ZBTB7C: variants seen among roughly 807,000 people sequenced by gnomAD.
ZBTB7C encodes zinc finger and BTB domain-containing protein 7C.
A neutral mutation model predicts 25.7 loss-of-function variants in ZBTB7C; 8 were observed. The ratio of observed to expected loss-of-function variants is 0.31; its 90% CI spans 0.18 to 0.56. The LOEUF is 0.56. Ranked by LOEUF, ZBTB7C falls within the 20% of genes least tolerant of loss-of-function variation. The probability of loss-of-function intolerance (pLI) is 0.91; values close to 1 mark genes in which losing one functional copy is unlikely to be tolerated. For synonymous variants in ZBTB7C, 394 were observed against 369.0 expected, an observed-to-expected ratio of 1.07 and a Z score of -0.78; for missense variants, 824 against 855.2, an observed-to-expected ratio of 0.96 and a Z score of 0.46.
At chr18:48,221,381 C>T in intron 2 of ZBTB7C, among the ~76,000 whole-genome samples, 1 of 148,132 alleles carries the variant, frequency 6.8e-6, no homozygotes, top group East Asian at 2.1e-4. Context: ...TCTACACTGT[C>T]CCTAGTCTCC....
intron 1 of ZBTB7C, among the ~76,000 whole-genome samples, chr18:48,344,969 T>G (rs1393017438): frequency 6.6e-6 from 1 of 152,262 alleles, no homozygotes; most frequent in African/African-American, 2.4e-5. Context: ...AATCACCAGT[T>G]ATTCTTTGTT....
At chr18:48,113,282 CT>C (rs1246860094) in intron 3 of ZBTB7C, among the ~76,000 whole-genome samples, 5 of 152,240 alleles carry the variant, frequency 3.3e-5, no homozygotes, top group Admixed American at 6.5e-5. Flanking sequence ...ATAATACCCC[CT>C]GGTCTGTCTT....
chr18:48,126,453 A>C (rs1045781424), intron 3 of ZBTB7C, among the ~76,000 whole-genome samples: 8 of 152,278 alleles, frequency 5.3e-5, no homozygotes, highest in African/African-American at 1.9e-4. Flanking sequence ...CTTGAATCCA[A>C]TCACCTGGAA....
intron 1 of ZBTB7C, among the ~76,000 whole-genome samples, chr18:48,378,544 T>C (rs1199645821): frequency 1.3e-5 from 2 of 152,170 alleles, no homozygotes; most frequent in African/African-American, 2.4e-5. Context: ...ATAAAACCCA[T>C]TGCCATCACA....
chr18:48,286,519 T>C (rs182715671), intron 2 of ZBTB7C, among the ~76,000 whole-genome samples: 2 of 151,500 alleles, frequency 1.3e-5, no homozygotes, highest in Admixed American at 6.6e-5. Context: ...ACCAGGAAAA[T>C]ATATTAATAT....
chr18:48,132,116 A>C (rs1292296652), intron 3 of ZBTB7C, among the ~76,000 whole-genome samples: 1 of 152,238 alleles, frequency 6.6e-6, no homozygotes, highest in Non-Finnish European at 1.5e-5. Context: ...TATTTACAGA[A>C]GCCAAATATG....
rs757958122 is a variant in ZBTB7C, at chr18:48,040,255, T to C, written c.853A>G (p.Lys285Glu). 1.3e-6 allele frequency: 2 copies of C among 1,561,946 alleles called. No homozygotes were observed. The highest frequency in any genetic ancestry group is 1.7e-6 in the Non-Finnish European group (2 of 1,156,912). Reference sequence around the variant, plus strand: ...TCCTCCTCCTTGATCTTCCGATTCTTGATGACCAGATCCAGTGGCCCACTG... The same window carrying C: ...TCCTCCTCCTTGATCTTCCGATTCTCGATGACCAGATCCAGTGGCCCACTG... ...MDSGPLDLVI[K>E]NRKIKEEEKE... Residue 285 changes from lysine (K) to glutamate (E), a missense_variant, in exon 4 of 5, where the codon AAG becomes GAG. This residue lies in a region of ZBTB7C where 316 missense variants were observed against 299.2 expected (regional missense o/e 1.06). Transcript: ENST00000590800.
chr18:48,093,668 A>G (rs2038507015), intron 3 of ZBTB7C, among the ~76,000 whole-genome samples: 1 of 152,194 alleles, frequency 6.6e-6, no homozygotes, highest in African/African-American at 2.4e-5. Context: ...ACAGGAGTTC[A>G]TAGAAGAGGC....
chr18:48,029,943 A>C, intron 4 of ZBTB7C, 32 bp from the exon 5 acceptor site: 1 of 1,607,046 alleles, frequency 6.2e-7, no homozygotes, highest in Non-Finnish European at 8.5e-7. Flanking sequence ...TCAGTCCCGC[A>C]GGGAACACCA....
chr18:48,041,564 T>A, intron 3 of ZBTB7C: 1 of 980,926 alleles, frequency 1.0e-6, no homozygotes, highest in South Asian at 4.7e-5. Flanking sequence ...CTGATTTGTC[T>A]CACAAATCCT....
intron 2 of ZBTB7C, among the ~76,000 whole-genome samples, chr18:48,196,818 G>T (rs2042328525): frequency 6.6e-6 from 1 of 152,210 alleles, no homozygotes; most frequent in Admixed American, 6.5e-5. Context: ...GCAGGCACCT[G>T]CAACTCATGA....
chr18:48,041,745 T>TA lies in ZBTB7C; in HGVS notation c.-16-623_-16-622insT, dbSNP rs763135952. 3.9e-3 allele frequency among the ~76,000 whole-genome samples: 593 copies of TA among 151,736 alleles called. 3 individuals are homozygous for TA. Among genetic ancestry groups the TA allele is most frequent in the Non-Finnish European group, 6.4e-3 (432 of 67,912 alleles). ...CCATTTGTAAATCTTGATCCTTTTT[T>TA]TAAAAAAAAAACACTAACTTCCTAT... On this transcript the variant is annotated intron_variant, in intron 3 of 4. Transcript: ENST00000590800.
chr18:48,375,241 A>AC (rs2047491949), intron 1 of ZBTB7C, among the ~76,000 whole-genome samples: 1 of 152,052 alleles, frequency 6.6e-6, no homozygotes, highest in Non-Finnish European at 1.5e-5. Flanking sequence ...GGGGAAACCC[A>AC]CCCGCAGTCT....
chr18:48,373,090 T>C (rs1037543744), intron 1 of ZBTB7C, among the ~76,000 whole-genome samples: 1 of 152,194 alleles, frequency 6.6e-6, no homozygotes, highest in African/African-American at 2.4e-5. Context: ...TCCTCCTCTT[T>C]ATCTCCCCAG....
intron 3 of ZBTB7C, chr18:48,169,898 T>G (rs1170109032): frequency 2.6e-5 from 4 of 152,390 alleles, no homozygotes. Context: ...CACAAAAGTA[T>G]CCCATTTTGG....
intron 2 of ZBTB7C, among the ~76,000 whole-genome samples, chr18:48,191,387 C>T (rs1326394140): frequency 6.6e-6 from 1 of 152,214 alleles, no homozygotes; most frequent in African/African-American, 2.4e-5. Context: ...CAGATTTTTA[C>T]CAGCAAACGG....
At chr18:48,277,759 G>A (rs1360962379) in intron 2 of ZBTB7C, among the ~76,000 whole-genome samples, 1 of 152,130 alleles carries the variant, frequency 6.6e-6, no homozygotes, top group East Asian at 1.9e-4. Flanking sequence ...TGCTAAATTT[G>A]TAGACAAACA....
At chr18:48,225,131 T>C (rs1392239616) in intron 2 of ZBTB7C, among the ~76,000 whole-genome samples, 2 of 152,228 alleles carry the variant, frequency 1.3e-5, no homozygotes, top group Non-Finnish European at 2.9e-5. Flanking sequence ...GGAGTATGCC[T>C]GAGCATAAAT....
chr18:48,175,768 A>C (rs2041654230), intron 3 of ZBTB7C, among the ~76,000 whole-genome samples: 2 of 152,226 alleles, frequency 1.3e-5, no homozygotes, highest in African/African-American at 2.4e-5. Flanking sequence ...TACTCAAAAT[A>C]GGGATAGTGG....
Sources: gnomAD v4.1 joint callset for allele counts (sites outside exome capture counted in the v4.1 genomes callset) on GRCh38, gnomAD v4.1.1 for gene constraint, gnomAD v4.1.1 regional missense constraint, MANE v1.5 for transcripts, NCBI Gene and HGNC (gene_info 2026-07-23, HGNC 2026-07-21) for gene names.